STARD3NL: variants seen among roughly 807,000 people sequenced by gnomAD.
STARD3NL encodes STARD3 N-terminal-like protein.
In STARD3NL, 17 loss-of-function variants were observed where a neutral mutation model predicts 30.9. That is an observed-to-expected ratio of 0.55 (90% CI 0.38 to 0.82). STARD3NL has a LOEUF of 0.82. Ranked by LOEUF, STARD3NL falls within the 40% of genes least tolerant of loss-of-function variation. The probability of loss-of-function intolerance (pLI) is 0.00; values close to 1 mark genes in which losing one functional copy is unlikely to be tolerated. For missense variants in STARD3NL, 234 were observed against 277.6 expected (o/e 0.84, Z 1.12); for synonymous variants, 112 against 100.5 (o/e 1.11, Z -0.69).
Position 38,208,580 on chromosome 7 carries a change from A to G in STARD3NL, c.225+851A>G, listed in dbSNP as rs139135533. Among the ~76,000 whole-genome samples the G allele has an allele frequency of 2.3e-3, 351 of 152,284 alleles. 3 individuals are homozygous for G. The highest frequency in any genetic ancestry group is 8.1e-3 in the African/African-American group (336 of 41,562). ...GATTGTTTACATTTCTTACCAACCAATAGGTGAGCTCCTCCAGGAGGTTTT... is the reference window on the plus strand; with the variant it reads ...GATTGTTTACATTTCTTACCAACCAGTAGGTGAGCTCCTCCAGGAGGTTTT... On this transcript the variant is annotated intron_variant, in intron 2 of 8. Coordinates refer to ENST00000009041, the MANE Select transcript of STARD3NL (RefSeq NM_032016.4).
chr7:38,194,197 G>T (rs1005711944), intron 1 of STARD3NL, among the ~76,000 whole-genome samples: 1 of 152,056 alleles, frequency 6.6e-6, no homozygotes, highest in African/African-American at 2.4e-5. Context: ...TACTTTGAAA[G>T]TGACCTCTTC....
At chr7:38,181,234 A>G (rs956150606) in intron 1 of STARD3NL, among the ~76,000 whole-genome samples, 1 of 152,114 alleles carries the variant, frequency 6.6e-6, no homozygotes, top group Non-Finnish European at 1.5e-5. Context: ...ATGTGTTACT[A>G]TTTTCCTAGC....
At chr7:38,178,906 T>G (rs1485886684) in intron 1 of STARD3NL, among the ~76,000 whole-genome samples, 2 of 152,104 alleles carry the variant, frequency 1.3e-5, no homozygotes, top group Non-Finnish European at 2.9e-5. Flanking sequence ...ATGAATGTTC[T>G]CCCTGTGGTT....
chr7:38,182,403 A>G (rs1193020802), intron 1 of STARD3NL, among the ~76,000 whole-genome samples: 1 of 152,236 alleles, frequency 6.6e-6, no homozygotes, highest in Non-Finnish European at 1.5e-5. Context: ...ATTGGAAAAT[A>G]CTAACAACGA....
intron 2 of STARD3NL, 35 bp from the exon 3 acceptor site, chr7:38,214,322 C>G: frequency 7.4e-7 from 1 of 1,360,496 alleles, no homozygotes; most frequent in Non-Finnish European, 1.0e-6. Flanking sequence ...ACACATAAAC[C>G]TCTCCTTGTT....
intron 2 of STARD3NL, among the ~76,000 whole-genome samples, chr7:38,213,473 T>C (rs1450487275): frequency 6.6e-6 from 1 of 152,208 alleles, no homozygotes; most frequent in Non-Finnish European, 1.5e-5. Context: ...TTCATTCGAA[T>C]TTGAACCTGG....
chr7:38,204,353 A>G (rs1485295552), intron 1 of STARD3NL, among the ~76,000 whole-genome samples: 3 of 152,226 alleles, frequency 2.0e-5, no homozygotes, highest in East Asian at 1.9e-4. Context: ...GCTCAACTAC[A>G]TGGAAACTGA....
chr7:38,215,152 C>T (rs1258621813), intron 4 of STARD3NL, 47 bp downstream of exon 4: 2 of 1,559,090 alleles, frequency 1.3e-6, no homozygotes, highest in East Asian at 2.2e-5. Flanking sequence ...GTGCTGGTGG[C>T]CAAGTCCTGC....
intron 1 of STARD3NL, among the ~76,000 whole-genome samples, chr7:38,179,329 A>T (rs1322287389): frequency 6.6e-6 from 1 of 152,218 alleles, no homozygotes; most frequent in African/African-American, 2.4e-5. Context: ...ATGGATTCTG[A>T]TAAGGTGGTG....
intron 6 of STARD3NL, among the ~76,000 whole-genome samples, chr7:38,218,345 A>G (rs1011638026): frequency 1.3e-5 from 2 of 152,246 alleles, no homozygotes; most frequent in Non-Finnish European, 2.9e-5. Flanking sequence ...AGAAATATAT[A>G]AGAAAAGGAT....
intron 1 of STARD3NL, among the ~76,000 whole-genome samples, chr7:38,197,135 T>TC (rs879336064): frequency 0.023 from 3,059 of 131,370 alleles, 54 homozygotes; most frequent in East Asian, 0.11. Context: ...AGCATTACCT[T>TC]TTTTCTTTCT....
At chr7:38,182,853 T>TA (rs1784305413) in intron 1 of STARD3NL, among the ~76,000 whole-genome samples, 1 of 152,184 alleles carries the variant, frequency 6.6e-6, no homozygotes, top group South Asian at 2.1e-4. Flanking sequence ...ATTGTGAGAC[T>TA]AGCGAGCATC....
chr7:38,192,983 TTC>T (rs1784751312), intron 1 of STARD3NL, among the ~76,000 whole-genome samples: 2 of 152,152 alleles, frequency 1.3e-5, no homozygotes, highest in African/African-American at 4.8e-5. Context: ...CCCTGGCTCT[TTC>T]CAAAATCCTT....
intron 1 of STARD3NL, among the ~76,000 whole-genome samples, chr7:38,190,819 G>T (rs568782378): frequency 6.6e-6 from 1 of 152,262 alleles, no homozygotes; most frequent in East Asian, 1.9e-4. Context: ...CTTCTCTGAA[G>T]AGTCCAGGAT....
chr7:38,196,492 G>A (rs1189222655), intron 1 of STARD3NL, among the ~76,000 whole-genome samples: 2 of 151,998 alleles, frequency 1.3e-5, no homozygotes, highest in Non-Finnish European at 2.9e-5. Context: ...ATTCCCCATT[G>A]TAGACCTGAT....
At chr7:38,210,361 G>C (rs559940312) in intron 2 of STARD3NL, among the ~76,000 whole-genome samples, 2 of 152,312 alleles carry the variant, frequency 1.3e-5, no homozygotes, top group Admixed American at 1.3e-4. Flanking sequence ...AGAACCAGCT[G>C]TTCTTTGCAA....
intron 4 of STARD3NL, 139 bp from the exon 5 acceptor site, chr7:38,216,885 GA>G: frequency 7.7e-6 from 7 of 907,084 alleles, no homozygotes; most frequent in Non-Finnish European, 3.4e-6. Context: ...GAGACTGAGT[GA>G]TATGGGAAGG....
Position 38,230,266 on chromosome 7 carries a change from A to C in STARD3NL, c.*361A>C, listed in dbSNP as rs957824303. On this transcript the variant is annotated 3_prime_UTR_variant, in exon 9 of 9. Coordinates refer to ENST00000009041, the MANE Select transcript of STARD3NL (RefSeq NM_032016.4). ...GTAAGCAAGATACCTTTTTATTTCA[A>C]TTCACAGAATGGAATTTTTTTGTTT... 6.5e-6 allele frequency: 1 copy of C among 152,674 alleles called. No individual in the cohort carries two copies. The highest frequency in any genetic ancestry group is 2.4e-5 in the African/African-American group (1 of 41,470). 9.5% of individuals were successfully genotyped at this position (152,674 alleles called of 1,614,324 possible). A position where few individuals can be genotyped will look rare whatever the true frequency, so the allele number is the denominator to read the frequency against.
In STARD3NL at chr7:38,214,339, T is replaced by G; in HGVS notation, c.226-18T>G. 6.4e-7 allele frequency: 1 copy of G among 1,560,092 alleles called. No homozygotes were observed. The highest frequency in any genetic ancestry group is 8.8e-7 in the Non-Finnish European group (1 of 1,140,358). On this transcript the variant is annotated intron_variant, in intron 2 of 8. Coordinates refer to ENST00000009041, the MANE Select transcript of STARD3NL (RefSeq NM_032016.4). ...ACATAAACCTCTCCTTGTTTTTGCT[T>G]CTTACTCTCCTTTCTAGGTGAATGG... is the stretch of plus-strand genomic sequence containing the variant.
Sources: gnomAD v4.1 joint callset for allele counts (sites outside exome capture counted in the v4.1 genomes callset) on GRCh38, gnomAD v4.1.1 for gene constraint, MANE v1.5 for transcripts, NCBI Gene and HGNC (gene_info 2026-07-23, HGNC 2026-07-21) for gene names.